The following PSD3 variants were observed in gnomAD, a reference collection of about 807,000 sequenced individuals.
PSD3 encodes PH and SEC7 domain-containing protein 3.
In PSD3, 49 loss-of-function variants were observed where a neutral mutation model predicts 105.5. The ratio of observed to expected loss-of-function variants is 0.46; its 90% CI spans 0.37 to 0.59. The LOEUF is 0.59. Among genes scored for constraint, PSD3 ranks in the 20% least tolerant of loss-of-function variants. The pLI, the probability that PSD3 is intolerant of heterozygous loss-of-function variation, is 0.00. For missense variants in PSD3, 1,561 were observed against 1,263.8 expected (o/e 1.24, Z -3.57); for synonymous variants, 557 against 457.8 (o/e 1.22, Z -2.77).
At chr8:19,060,268 C>G (rs1563537256) in intron 1 of PSD3, among the ~76,000 whole-genome samples, 1 of 152,114 alleles carries the variant, frequency 6.6e-6, no homozygotes, top group African/African-American at 2.4e-5. Flanking sequence ...AAATGAGTTT[C>G]CAAGAAACAG....
intron 3 of PSD3, among the ~76,000 whole-genome samples, chr8:18,870,933 T>C (rs1218632602): frequency 1.3e-5 from 2 of 152,042 alleles, no homozygotes. Flanking sequence ...ACCCCATCTC[T>C]ACAAAGAGTA....
At chr8:18,868,184 C>T in intron 3 of PSD3, 115 bp from the exon 4 acceptor site, 1 of 1,174,916 alleles carries the variant, frequency 8.5e-7, no homozygotes, top group African/African-American at 1.5e-5. Context: ...TATTCATTGA[C>T]TTATATCTTA....
intron 6 of PSD3, chr8:18,802,435 T>C: frequency 3.3e-6 from 1 of 300,082 alleles, no homozygotes; most frequent in Non-Finnish European, 7.1e-6. Context: ...ACCATGAGCC[T>C]CATTTCTATG....
At chr8:18,629,590 G>C (rs1388299507) in intron 11 of PSD3, among the ~76,000 whole-genome samples, 1 of 151,892 alleles carries the variant, frequency 6.6e-6, no homozygotes, top group Non-Finnish European at 1.5e-5. Context: ...AACACTAAGT[G>C]AATGAAGCCA....
At chr8:18,677,386 T>A (rs112131617) in intron 9 of PSD3, among the ~76,000 whole-genome samples, 13,734 of 152,108 alleles carry the variant, frequency 0.09, 774 homozygotes, top group African/African-American at 0.15. Flanking sequence ...AAGACCAGCC[T>A]GGCCAACATG....
At chr8:18,908,703 C>T (rs1820004702) in intron 2 of PSD3, among the ~76,000 whole-genome samples, 4 of 152,156 alleles carry the variant, frequency 2.6e-5, no homozygotes, top group Admixed American at 2.0e-4. Flanking sequence ...CACTTAATTA[C>T]GTATCATCTT....
Position 18,821,872 on chromosome 8 carries a change from C to CACACACA in PSD3, c.1635-16975_1635-16974insTGTGTGT, listed in dbSNP as rs10625767. 5.1e-3 allele frequency among the ~76,000 whole-genome samples: 705 copies of CACACACA among 137,428 alleles called. 4 individuals carry two copies. The highest frequency in any genetic ancestry group is 0.018 in the East Asian group (77 of 4,354). The allele number at this position is 137,428 out of a possible 152,430, so 90.2% of individuals were successfully genotyped here. A position where few individuals can be genotyped will look rare whatever the true frequency, so the allele number is the denominator to read the frequency against. ...ACACATGCACACACATGCACACACA[C>CACACACA]CACACACACACACACACACACACAC... On this transcript the variant is annotated intron_variant, in intron 4 of 15. Coordinates refer to ENST00000327040, the MANE Select transcript of PSD3 (RefSeq NM_015310.4).
intron 11 of PSD3, among the ~76,000 whole-genome samples, chr8:18,620,216 G>A (rs1806004045): frequency 6.6e-6 from 1 of 152,056 alleles, no homozygotes; most frequent in Non-Finnish European, 1.5e-5. Flanking sequence ...TTTTGGGGCT[G>A]AACCAATGGA....
intron 11 of PSD3, among the ~76,000 whole-genome samples, chr8:18,627,000 T>C (rs1265658132): frequency 6.6e-6 from 1 of 151,984 alleles, no homozygotes; most frequent in Non-Finnish European, 1.5e-5. Context: ...ATCAGCTTAG[T>C]TCTGCTTATG....
chr8:18,868,300 C>A (rs1336142090), intron 3 of PSD3, among the ~76,000 whole-genome samples: 1 of 152,068 alleles, frequency 6.6e-6, no homozygotes, highest in African/African-American at 2.4e-5. Flanking sequence ...AACTAGTTTC[C>A]TAATGTGTGA....
chr8:18,615,262 C>G (rs1000607481), intron 11 of PSD3, among the ~76,000 whole-genome samples: 9 of 152,144 alleles, frequency 5.9e-5, no homozygotes, highest in Non-Finnish European at 1.2e-4. Flanking sequence ...CCAATTACCC[C>G]CAACCTGCTC....
chr8:18,686,838 G>C (rs927628528), intron 9 of PSD3, among the ~76,000 whole-genome samples: 1 of 152,122 alleles, frequency 6.6e-6, no homozygotes, highest in Non-Finnish European at 1.5e-5. Flanking sequence ...CTGTCATCCT[G>C]TCTGGAACTC....
chr8:19,011,818 T>A (rs949241280), intron 1 of PSD3, among the ~76,000 whole-genome samples: 17 of 151,502 alleles, frequency 1.1e-4, no homozygotes, highest in Admixed American at 2.6e-4. Flanking sequence ...TTGGCCGTAA[T>A]AAGGTTATTT....
chr8:18,656,203 G>A (rs900673397), intron 9 of PSD3, among the ~76,000 whole-genome samples: 25 of 152,050 alleles, frequency 1.6e-4, no homozygotes, highest in African/African-American at 3.9e-4. Context: ...GATTACAGGC[G>A]TGTGCCACCA....
intron 4 of PSD3, among the ~76,000 whole-genome samples, chr8:18,845,055 G>T (rs1170765507): frequency 2.6e-5 from 4 of 152,062 alleles, no homozygotes; most frequent in African/African-American, 7.2e-5. Context: ...ATGTAAAGGG[G>T]ATAAAATTTT....
intron 1 of PSD3, among the ~76,000 whole-genome samples, chr8:18,988,691 G>C (rs114073855): frequency 6.6e-6 from 1 of 152,128 alleles, no homozygotes; most frequent in African/African-American, 2.4e-5. Context: ...ACTATCACAT[G>C]TTTAAAAAGT....
chr8:18,893,145 AG>A (rs1411100510), intron 2 of PSD3, among the ~76,000 whole-genome samples: 1 of 152,200 alleles, frequency 6.6e-6, no homozygotes, highest in African/African-American at 2.4e-5. Context: ...CTGGGCAAGA[AG>A]CACTTTGATG....
intron 4 of PSD3, chr8:18,854,320 T>C (rs1209465792): frequency 6.6e-6 from 1 of 152,656 alleles, no homozygotes; most frequent in African/African-American, 2.4e-5. Context: ...TTGAAAGAAG[T>C]TGAAGGAGGA....
intron 1 of PSD3, among the ~76,000 whole-genome samples, chr8:18,989,943 A>T (rs1403139549): frequency 6.6e-6 from 1 of 152,194 alleles, no homozygotes; most frequent in Non-Finnish European, 1.5e-5. Context: ...GCTACATCTC[A>T]ATAAATGGCA....
Sources: allele counts gnomAD v4.1 joint callset (sites outside exome capture counted in the v4.1 genomes callset), GRCh38; gene constraint gnomAD v4.1.1; transcripts MANE v1.5; gene names NCBI Gene and HGNC (gene_info 2026-07-23, HGNC 2026-07-21).